The following RNF144A variants were observed in gnomAD, a reference collection of about 807,000 sequenced individuals.
RNF144A encodes the protein ring finger protein 144A.
In RNF144A, 11 loss-of-function variants were observed where a neutral mutation model predicts 38.7. The ratio of observed to expected loss-of-function variants is 0.28; its 90% CI spans 0.18 to 0.47. The LOEUF is 0.47. RNF144A is among the 20% of genes least tolerant of loss of function. The probability of loss-of-function intolerance (pLI) is 0.99; values close to 1 mark genes in which losing one functional copy is unlikely to be tolerated. For missense variants in RNF144A, 316 were observed against 377.2 expected (o/e 0.84, Z 1.34); for synonymous variants, 149 against 143.9 (o/e 1.04, Z -0.25).
chr2:6,924,597 G>C (rs879295583), intron 1 of RNF144A, among the ~76,000 whole-genome samples: 5 of 152,214 alleles, frequency 3.3e-5, no homozygotes, highest in Non-Finnish European at 7.3e-5. Context: ...AGGGCTGTTG[G>C]ATGAACGCTC....
chr2:7,041,324 T>C lies in RNF144A; in HGVS notation c.*1564T>C. 1 of 985,822 alleles carries C rather than the reference T, an allele frequency of 1.0e-6. No individual in the cohort carries two copies. Among genetic ancestry groups the C allele is most frequent in the African/African-American group, 1.7e-5 (1 of 57,372 alleles). The allele number at this position is 985,822 out of a possible 1,614,324, so 61.1% of individuals were successfully genotyped here. A position where few individuals can be genotyped will look rare whatever the true frequency, so the allele number is the denominator to read the frequency against. Reference sequence around the variant, plus strand: ...TTACTTTCCCTGGTTGGAAATTTATTTCTTATTTCCTAACATTGAATTCGT... The same window carrying C: ...TTACTTTCCCTGGTTGGAAATTTATCTCTTATTTCCTAACATTGAATTCGT... On this transcript the variant is annotated 3_prime_UTR_variant, in exon 9 of 9. Coordinates refer to ENST00000320892, the MANE Select transcript of RNF144A (RefSeq NM_014746.6).
chr2:7,030,117 C>T lies in RNF144A; in HGVS notation c.658-9C>T. The T allele has an allele frequency of 6.2e-7, 1 of 1,605,324 alleles. No homozygotes were observed. The highest frequency in any genetic ancestry group is 8.5e-7 in the Non-Finnish European group (1 of 1,172,000). ...TCGTTCATGCCGTCTCTGTCTCTGC[C>T]CCTCACAGGATGATTTCCTTCTGAT... On this transcript the variant is annotated splice_polypyrimidine_tract_variant and intron_variant, in intron 7 of 8. Transcript: ENST00000320892.
intron 2 of RNF144A, among the ~76,000 whole-genome samples, chr2:6,946,446 T>A (rs982629467): frequency 8.5e-5 from 13 of 152,148 alleles, no homozygotes; most frequent in African/African-American, 2.4e-4. Flanking sequence ...TCATAATTTA[T>A]CTCAGTGCTT....
intron 2 of RNF144A, among the ~76,000 whole-genome samples, chr2:6,987,570 A>G (rs187418455): frequency 1.3e-5 from 2 of 152,338 alleles, no homozygotes; most frequent in East Asian, 3.9e-4. Context: ...GTGTCCAATT[A>G]TGGATGCTGT....
At chr2:7,053,725 G>A (rs309285) in intron 6 of RNF144A, among the ~76,000 whole-genome samples, 41,975 of 152,142 alleles carry the variant, frequency 0.28, 6,837 homozygotes, top group South Asian at 0.41. Flanking sequence ...TAAGGTACAT[G>A]GATATGCTTT....
rs1445224135 is a variant in RNF144A at position 7,042,582 on chromosome 2, C to T, written c.*2822C>T. The T allele has an allele frequency of 5.1e-6, 5 of 985,466 alleles. No individual in the cohort carries two copies. The Admixed American group carries it at 2.5e-4, about 48-fold the overall frequency. 61.0% of individuals were successfully genotyped at this position (985,466 alleles called of 1,614,324 possible). A position where few individuals can be genotyped will look rare whatever the true frequency, so the allele number is the denominator to read the frequency against. On this transcript the variant is annotated 3_prime_UTR_variant, in exon 9 of 9. Coordinates refer to ENST00000320892, the MANE Select transcript of RNF144A (RefSeq NM_014746.6). ...GTGGACCTGTGGCTTCTCTGAGGCC[C>T]TTGAGTAACTGACCACATTTGGAGG... is the stretch of plus-strand genomic sequence containing the variant.
intron 1 of RNF144A, among the ~76,000 whole-genome samples, chr2:6,928,513 C>T (rs985475936): frequency 1.3e-5 from 2 of 152,208 alleles, no homozygotes; most frequent in Non-Finnish European, 2.9e-5. Context: ...CCTACATCTG[C>T]ACCCCAGACC....
intron 2 of RNF144A, among the ~76,000 whole-genome samples, chr2:6,967,109 C>T (rs563773948): frequency 5.6e-4 from 85 of 152,276 alleles, no homozygotes; most frequent in African/African-American, 1.2e-3. Context: ...TCTCCCTTTC[C>T]GTGACTCTCC....
Position 6,958,484 on chromosome 2 carries a change from T to C in RNF144A, c.-12+17337T>C, listed in dbSNP as rs1419734867. ...TTCATGGTGCTCTCAGCATAGACCT[T>C]GAGCAATAACCCATGTGGCCCACTT... On this transcript the variant is annotated intron_variant, in intron 2 of 8. Coordinates refer to ENST00000320892, the MANE Select transcript of RNF144A (RefSeq NM_014746.6). This position sits in a 1 kb window ranked among gnomAD's most constrained non-coding sequence, Gnocchi z 4.5. Among the ~76,000 whole-genome samples the C allele has an allele frequency of 6.6e-6, 1 of 152,098 alleles. No individual in the cohort carries two copies. Among genetic ancestry groups the C allele is most frequent in the Non-Finnish European group, 1.5e-5 (1 of 67,998 alleles).
chr2:6,989,195 A>T (rs1475274069), intron 2 of RNF144A, among the ~76,000 whole-genome samples: 1 of 152,244 alleles, frequency 6.6e-6, no homozygotes, highest in Non-Finnish European at 1.5e-5. Flanking sequence ...GTGTGTGCAC[A>T]CAAGTCTATA....
chr2:7,052,516 C>T (rs1572484491), intron 6 of RNF144A, among the ~76,000 whole-genome samples: 2 of 152,296 alleles, frequency 1.3e-5, no homozygotes, highest in South Asian at 4.1e-4. Context: ...GCTAGTGCCT[C>T]TTCTGAAACA....
At chr2:7,039,019 GTAGA>G (rs755027968) in intron 8 of RNF144A, among the ~76,000 whole-genome samples, 36 of 151,806 alleles carry the variant, frequency 2.4e-4, no homozygotes, top group African/African-American at 3.9e-4. Context: ...GGGTGGATGA[GTAGA>G]TAGATGGATG....
intron 6 of RNF144A, among the ~76,000 whole-genome samples, chr2:7,059,729 T>C (rs1401121962): frequency 1.3e-5 from 2 of 152,184 alleles, no homozygotes; most frequent in African/African-American, 4.8e-5. Flanking sequence ...TGATGACAGA[T>C]GCTGAGCACT....
At chr2:6,929,855 A>G (rs1665094613) in intron 1 of RNF144A, among the ~76,000 whole-genome samples, 1 of 152,198 alleles carries the variant, frequency 6.6e-6, no homozygotes, top group South Asian at 2.1e-4. Context: ...ATTGTTATTT[A>G]AAAAAACAAT....
chr2:6,941,199 T>C lies in RNF144A; in HGVS notation c.-12+52T>C, dbSNP rs1477889788. 1 of 152,252 alleles carries C rather than the reference T, an allele frequency of 6.6e-6. No individual in the cohort carries two copies. Among genetic ancestry groups the C allele is most frequent in the Non-Finnish European group, 1.5e-5 (1 of 68,052 alleles). 9.4% of individuals were successfully genotyped at this position (152,252 alleles called of 1,614,324 possible). ...CTTCCCAACGTTCATTGATCTCTTC[T>C]TAGTGGAATCTCAGGCCATTGTTGG... On this transcript the variant is annotated intron_variant, in intron 2 of 8. Transcript: ENST00000320892. This position sits in a 1 kb window ranked among gnomAD's most constrained non-coding sequence, Gnocchi z 6.5.
intron 1 of RNF144A, among the ~76,000 whole-genome samples, chr2:6,923,812 A>G (rs1030479043): frequency 1.8e-4 from 27 of 149,702 alleles, no homozygotes; most frequent in Non-Finnish European, 1.0e-4. Flanking sequence ...TTTTTTTTTC[A>G]GAACCTGTAG....
intron 1 of RNF144A, among the ~76,000 whole-genome samples, chr2:6,922,065 T>C (rs1001388553): frequency 1.3e-5 from 2 of 152,162 alleles, no homozygotes. Context: ...TTTCACTGTT[T>C]TGTTTTGGAG....
chr2:7,022,017 A>G (rs754101572), intron 6 of RNF144A, among the ~76,000 whole-genome samples: 7 of 152,240 alleles, frequency 4.6e-5, no homozygotes, highest in Non-Finnish European at 1.0e-4. Flanking sequence ...AAAAACTGGA[A>G]TTTCTGGCTT....
In RNF144A at chr2:7,041,935, C is replaced by T. The variant is rs1012342325; in HGVS notation, c.*2175C>T. On this transcript the variant is annotated 3_prime_UTR_variant, in exon 9 of 9. Transcript: ENST00000320892. ...GAGTCTCTGGCCCAGTCATGCACAT[C>T]TGTAGCCCCAGCCATCCTTGTGCCT... The T allele has an allele frequency of 2.1e-5, 21 of 985,344 alleles. No individual in the cohort carries two copies. The highest frequency in any genetic ancestry group is 2.0e-5 in the Non-Finnish European group (17 of 829,958). The allele number at this position is 985,344 out of a possible 1,614,324, so 61.0% of individuals were successfully genotyped here.
Sources: gnomAD v4.1 joint callset for allele counts (sites outside exome capture counted in the v4.1 genomes callset) on GRCh38, gnomAD v4.1.1 for gene constraint, Gnocchi (gnomAD v3.1) non-coding constraint, MANE v1.5 for transcripts, NCBI Gene and HGNC (gene_info 2026-07-23, HGNC 2026-07-21) for gene names.